CAMKK1: variants seen among roughly 807,000 people sequenced by gnomAD.
CAMKK1 encodes calcium/calmodulin dependent protein kinase kinase 1.
CAMKK1 carries 20 observed loss-of-function variants against 63.5 expected under a neutral mutation model. The observed-to-expected ratio is 0.32, with a 90% CI of 0.22 to 0.46. The LOEUF (loss-of-function observed/expected upper bound fraction) is 0.46. CAMKK1 is among the 20% of genes least tolerant of loss of function. CAMKK1 has a pLI of 1.00. For synonymous variants in CAMKK1, 253 were observed against 269.0 expected (o/e 0.94, Z 0.58); for missense variants, 588 against 658.1 (o/e 0.89, Z 1.17).
Position 3,882,263 on chromosome 17 carries a change from G to A in CAMKK1, c.685+265C>T, listed in dbSNP as rs143907936. Reference sequence around the variant, plus strand: ...GCCTGCTTCCTGCATCTACCTGAGCGCGCAGCCCACGTGGATCCACTGTCT... The same window carrying A: ...GCCTGCTTCCTGCATCTACCTGAGCACGCAGCCCACGTGGATCCACTGTCT... On this transcript the variant is annotated intron_variant, in intron 7 of 15. Transcript: ENST00000348335. The surrounding 1 kb of genome is among the most constrained non-coding windows in gnomAD (Gnocchi z 4.3). 310 of 1,611,816 alleles carry A rather than the reference G, an allele frequency of 1.9e-4. No individual in the cohort carries two copies. The highest frequency in any genetic ancestry group is 2.4e-4 in the Non-Finnish European group (281 of 1,178,356).
At chr17:3,873,021 C>T (rs923007628) in intron 11 of CAMKK1, among the ~76,000 whole-genome samples, 3 of 152,200 alleles carry the variant, frequency 2.0e-5, no homozygotes, top group Non-Finnish European at 1.5e-5. Context: ...ATCACCGATA[C>T]GTCAGCGTTG....
At chr17:3,880,065 G>C (rs1227875626) in intron 9 of CAMKK1, 1 of 451,056 alleles carries the variant, frequency 2.2e-6, no homozygotes, top group Non-Finnish European at 4.0e-6. Flanking sequence ...GCTAAGCTAG[G>C]CTAAGAACTC....
At chr17:3,878,997 A>G (rs2055289699) in intron 9 of CAMKK1, 1 of 152,182 alleles carries the variant, frequency 6.6e-6, no homozygotes, top group Admixed American at 6.5e-5. Flanking sequence ...TATTTGTAGT[A>G]GAGACAGGCT....
At position 3,889,896 on chromosome 17, in the gene CAMKK1, G is replaced by A. The variant is rs540195306; in HGVS notation, c.-44+3043C>T. Reference sequence around the variant, plus strand: ...GCAGGCAGACCCTGCTGCCATCCACGCGGGTTCAAGTAGCTCCACCTGGGA... The same window carrying A: ...GCAGGCAGACCCTGCTGCCATCCACACGGGTTCAAGTAGCTCCACCTGGGA... On this transcript the variant is annotated intron_variant, in intron 1 of 15. Transcript: ENST00000348335. This position sits in a 1 kb window ranked among gnomAD's most constrained non-coding sequence, Gnocchi z 5.2. 8.7e-4 allele frequency among the ~76,000 whole-genome samples: 133 copies of A among 152,316 alleles called. No individual in the cohort carries two copies. The highest frequency in any genetic ancestry group is 5.4e-3 in the South Asian group (26 of 4,832).
At position 3,884,699 on chromosome 17, in the gene CAMKK1, C is replaced by T. The variant is rs892005100; in HGVS notation, c.361-272G>A. 6.6e-6 allele frequency among the ~76,000 whole-genome samples: 1 copy of T among 152,218 alleles called. No homozygotes were observed. Among genetic ancestry groups the T allele is most frequent in the Non-Finnish European group, 1.5e-5 (1 of 68,042 alleles). ...AGTGGTGAAGGGAAAACGCTAATTC[C>T]TGTCTGGATTCTGGAGTCTGGAAGA... On this transcript the variant is annotated intron_variant, in intron 2 of 15. Coordinates refer to ENST00000348335, the MANE Select transcript of CAMKK1 (RefSeq NM_032294.3). This position sits in a 1 kb window ranked among gnomAD's most constrained non-coding sequence, Gnocchi z 4.5.
At position 3,885,658 on chromosome 17, in the gene CAMKK1, C is replaced by T. The variant is rs2055618273; in HGVS notation, c.30G>A (p.Gln10=). 3 of 1,613,492 alleles carry T rather than the reference C, an allele frequency of 1.9e-6. No homozygotes were observed. Among genetic ancestry groups the T allele is most frequent in the African/African-American group, 1.3e-5 (1 of 74,942 alleles). MEGGPAVCC[Q]DPRAELVERV... ...GTTCTACCAGCTCTGCCCGAGGATC[C>T]TGGCAGCAGACAGCTGGACCCCCCT... Residue 10 remains glutamine, a synonymous_variant, in exon 2 of 16, where the codon CAG becomes CAA. Coordinates refer to ENST00000348335, the MANE Select transcript of CAMKK1 (RefSeq NM_032294.3).
intron 9 of CAMKK1, among the ~76,000 whole-genome samples, chr17:3,878,139 CT>C (rs1006272613): frequency 2.6e-5 from 4 of 152,220 alleles, no homozygotes; most frequent in African/African-American, 7.2e-5. Context: ...CCAGATCCAA[CT>C]GCTTCTCATC....
At chr17:3,880,818 C>G (rs753825572) in intron 8 of CAMKK1, among the ~76,000 whole-genome samples, 3 of 148,516 alleles carry the variant, frequency 2.0e-5, no homozygotes, top group Non-Finnish European at 3.0e-5. Context: ...TAGAATATAT[C>G]AGAATATATT....
intron 10 of CAMKK1, 59 bp downstream of exon 10, chr17:3,876,164 G>A: frequency 9.9e-6 from 15 of 1,518,828 alleles, no homozygotes; most frequent in Non-Finnish European, 1.3e-5. Context: ...CTGGGCCACT[G>A]CGGCAAGCTA....
chr17:3,864,291 G>A (rs537847991), intron 15 of CAMKK1, among the ~76,000 whole-genome samples: 1 of 151,752 alleles, frequency 6.6e-6, no homozygotes, highest in East Asian at 1.9e-4. Flanking sequence ...CTGTCGCCCA[G>A]GCTGGAGTGC....
At chr17:3,881,978 A>G (rs1195753688) in intron 7 of CAMKK1, 2 of 525,664 alleles carry the variant, frequency 3.8e-6, no homozygotes, top group Non-Finnish European at 6.7e-6. Flanking sequence ...GGGAGTGGAG[A>G]CTAAAGCCTC....
At chr17:3,872,768 T>C (rs1216658538) in intron 11 of CAMKK1, 141 bp from the exon 12 acceptor site, 1 of 663,600 alleles carries the variant, frequency 1.5e-6, no homozygotes, top group Non-Finnish European at 2.7e-6. Flanking sequence ...CAACTCACAC[T>C]GTAAATGTTC....
intron 1 of CAMKK1, among the ~76,000 whole-genome samples, chr17:3,888,432 C>G (rs2055751631): frequency 6.6e-6 from 1 of 152,234 alleles, no homozygotes; most frequent in Non-Finnish European, 1.5e-5. Context: ...GCCAGGCAGC[C>G]AGGCTGCACC....
chr17:3,864,380 G>A (rs771365233), intron 15 of CAMKK1, among the ~76,000 whole-genome samples: 11 of 152,022 alleles, frequency 7.2e-5, no homozygotes, highest in Non-Finnish European at 1.5e-4. Flanking sequence ...CTGAGTAGCT[G>A]GGACTCCAGG....
intron 2 of CAMKK1, among the ~76,000 whole-genome samples, 173 bp downstream of exon 2, chr17:3,885,155 G>A (rs906611923): frequency 6.6e-6 from 1 of 152,250 alleles, no homozygotes; most frequent in African/African-American, 2.4e-5. Context: ...CTTTGGCTCA[G>A]CTGGAGCTCC....
At chr17:3,881,792 G>T in intron 7 of CAMKK1, 144 bp from the exon 8 acceptor site, 1 of 714,112 alleles carries the variant, frequency 1.4e-6, no homozygotes. Flanking sequence ...CCTGGGATAT[G>T]AGAGCAAATA....
At position 3,884,484 on chromosome 17, in the gene CAMKK1, A is replaced by G; in HGVS notation, c.361-57T>C. The G allele has an allele frequency of 6.5e-7, 1 of 1,538,088 alleles. No homozygotes were observed. ...TGGGTCCGGAGGCAGCACTGCTCCT[A>G]CCTCAGAGCCCGTTCAGGGTCCAAT... On this transcript the variant is annotated intron_variant, in intron 2 of 15. Transcript: ENST00000348335. The surrounding 1 kb of genome is among the most constrained non-coding windows in gnomAD (Gnocchi z 4.5).
At chr17:3,867,166 G>A (rs2054562005) in intron 14 of CAMKK1, among the ~76,000 whole-genome samples, 1 of 152,238 alleles carries the variant, frequency 6.6e-6, no homozygotes. Flanking sequence ...TGAAGCTACA[G>A]GGTCAGGGAA....
Position 3,885,691 on chromosome 17 carries a change from T to A in CAMKK1, c.-4A>T. 6.2e-7 allele frequency: 1 copy of A among 1,612,228 alleles called. No individual in the cohort carries two copies. Among genetic ancestry groups the A allele is most frequent in the Non-Finnish European group, 8.5e-7 (1 of 1,179,984 alleles). On this transcript the variant is annotated 5_prime_UTR_variant, in exon 2 of 16. The change creates a new upstream start codon in the 5' untranslated region. Transcript: ENST00000348335. ...AGACAGCTGGACCCCCCTCCATTGC[T>A]TCAGTCAAGGGGGTTCTTCTGCGTA...
Sources: gnomAD v4.1 joint callset for allele counts (sites outside exome capture counted in the v4.1 genomes callset) on GRCh38, gnomAD v4.1.1 for gene constraint, Gnocchi (gnomAD v3.1) non-coding constraint, MANE v1.5 for transcripts, NCBI Gene and HGNC (gene_info 2026-07-23, HGNC 2026-07-21) for gene names.